NAALADL2: variants seen among roughly 807,000 people sequenced by gnomAD.
NAALADL2 encodes the protein N-acetylated alpha-linked acidic dipeptidase like 2.
Under a neutral mutation model 87.2 loss-of-function variants are expected in NAALADL2, and 76 were observed. The ratio of observed to expected loss-of-function variants is 0.87; its 90% CI spans 0.72 to 1.05. The LOEUF is 1.05. Ranked by LOEUF, NAALADL2 falls within the 50% of genes least tolerant of loss-of-function variation. The pLI is 0.00. For missense variants in NAALADL2, 1,089 were observed against 945.8 expected (o/e 1.15, Z -1.99); for synonymous variants, 354 against 331.0 (o/e 1.07, Z -0.75).
At chr3:175,458,298 A>G (rs1722619839) in intron 6 of NAALADL2, among the ~76,000 whole-genome samples, 1 of 151,788 alleles carries the variant, frequency 6.6e-6, no homozygotes, top group Non-Finnish European at 1.5e-5. Context: ...TTAATATTAC[A>G]TTTGTATGTA....
At chr3:175,730,453 C>A (rs1743585550) in intron 11 of NAALADL2, among the ~76,000 whole-genome samples, 1 of 131,504 alleles carries the variant, frequency 7.6e-6, no homozygotes, top group African/African-American at 2.7e-5. Flanking sequence ...TACACACATA[C>A]ACACGCACAC....
intron 2 of NAALADL2, among the ~76,000 whole-genome samples, chr3:174,719,310 A>G (rs1206807124): frequency 6.6e-6 from 1 of 152,216 alleles, no homozygotes; most frequent in East Asian, 1.9e-4. Context: ...ATGTGAAAAA[A>G]ATATAGAGGT....
At chr3:174,870,914 T>C (rs912290264) in intron 1 of NAALADL2, among the ~76,000 whole-genome samples, 1 of 152,162 alleles carries the variant, frequency 6.6e-6, no homozygotes, top group Non-Finnish European at 1.5e-5. Context: ...ATGTACAACA[T>C]AGTGCTTTCT....
chr3:174,773,335 A>G (rs150930358), intron 3 of NAALADL2, among the ~76,000 whole-genome samples: 242 of 152,316 alleles, frequency 1.6e-3, no homozygotes, highest in African/African-American at 5.6e-3. Flanking sequence ...ACCCAATTCA[A>G]CATCACAGTG....
chr3:174,635,249 G>A (rs905085556), intron 2 of NAALADL2, among the ~76,000 whole-genome samples: 2 of 152,106 alleles, frequency 1.3e-5, no homozygotes, highest in East Asian at 3.9e-4. Context: ...CTGACCATCT[G>A]TTATTAACCT....
intron 3 of NAALADL2, among the ~76,000 whole-genome samples, chr3:174,767,095 T>C (rs1406187297): frequency 6.6e-6 from 1 of 152,214 alleles, no homozygotes; most frequent in East Asian, 1.9e-4. Flanking sequence ...CAGTCTCATA[T>C]GGCCTCCTGA....
At chr3:175,156,318 A>C (rs1732309496) in intron 2 of NAALADL2, among the ~76,000 whole-genome samples, 1 of 65,486 alleles carries the variant, frequency 1.5e-5, no homozygotes, top group African/African-American at 3.4e-5. Flanking sequence ...ACAAATCTTT[A>C]GATAAATAGC....
At chr3:175,619,265 AAGGAGAAG>A (rs1560860831) in intron 10 of NAALADL2, among the ~76,000 whole-genome samples, 33 of 86,878 alleles carry the variant, frequency 3.8e-4, no homozygotes, top group South Asian at 1.3e-3. Context: ...GGAAGGAAGG[AAGGAGAAG>A]GAAAGAAAGA....
At position 175,434,446 on chromosome 3, in the gene NAALADL2, A is replaced by G. The variant is rs567050194; in HGVS notation, c.1091-12783A>G. Among the ~76,000 whole-genome samples, 5 of 152,102 alleles carry G rather than the reference A, an allele frequency of 3.3e-5. No individual in the cohort carries two copies. In the South Asian group the frequency reaches 1.0e-3, roughly 32 times the overall value. ...CAAAGATCTGAGAAGTACTTCATATATGCTAGCTCATTTATTCTAGCAACA... is the reference window on the plus strand; with the variant it reads ...CAAAGATCTGAGAAGTACTTCATATGTGCTAGCTCATTTATTCTAGCAACA... On this transcript the variant is annotated intron_variant, in intron 5 of 13. Transcript: ENST00000454872.
At chr3:174,494,653 T>C (rs1718406350) in intron 1 of NAALADL2, among the ~76,000 whole-genome samples, 1 of 151,698 alleles carries the variant, frequency 6.6e-6, no homozygotes, top group Admixed American at 6.6e-5. Context: ...AGTTTTTAGT[T>C]CAGGCAGAAG....
intron 13 of NAALADL2, among the ~76,000 whole-genome samples, chr3:175,782,415 G>A (rs1425578914): frequency 1.9e-4 from 14 of 74,770 alleles, no homozygotes; most frequent in East Asian, 8.3e-4. Context: ...GTGTGAGATG[G>A]TATCTCATTG....
At chr3:175,057,600 C>T (rs1290872066) in intron 1 of NAALADL2, among the ~76,000 whole-genome samples, 2 of 152,292 alleles carry the variant, frequency 1.3e-5, no homozygotes, top group East Asian at 1.9e-4. Context: ...TAACATTCCC[C>T]TCCAGGAACT....
intron 11 of NAALADL2, among the ~76,000 whole-genome samples, chr3:175,641,080 C>T (rs537669837): frequency 2.0e-5 from 3 of 152,214 alleles, no homozygotes; most frequent in Non-Finnish European, 4.4e-5. Flanking sequence ...CAAATATGAC[C>T]CTTTTCTGAC....
chr3:175,467,461 T>C (rs1479321731), intron 8 of NAALADL2, among the ~76,000 whole-genome samples: 1 of 152,114 alleles, frequency 6.6e-6, no homozygotes, highest in Non-Finnish European at 1.5e-5. Context: ...ATTGTATTTC[T>C]CCTTAGAAGA....
intron 1 of NAALADL2, among the ~76,000 whole-genome samples, chr3:174,994,879 C>G (rs1276570654): frequency 1.3e-5 from 2 of 152,118 alleles, no homozygotes; most frequent in Non-Finnish European, 2.9e-5. Context: ...TTAAGTTGGT[C>G]AACTGCTCTC....
At chr3:174,514,175 C>A (rs1428352379) in intron 1 of NAALADL2, among the ~76,000 whole-genome samples, 1 of 152,064 alleles carries the variant, frequency 6.6e-6, no homozygotes, top group Non-Finnish European at 1.5e-5. Context: ...ATGAATTTTC[C>A]ACCCAGTACC....
intron 1 of NAALADL2, among the ~76,000 whole-genome samples, chr3:175,066,252 A>G (rs1192569026): frequency 2.6e-5 from 4 of 152,156 alleles, no homozygotes; most frequent in African/African-American, 9.7e-5. Context: ...ACGTACTATG[A>G]GGACAGAAGT....
At chr3:174,556,221 G>A (rs9871610) in intron 2 of NAALADL2, among the ~76,000 whole-genome samples, 74,672 of 151,794 alleles carry the variant, frequency 0.49, 19,316 homozygotes, top group African/African-American at 0.66. Flanking sequence ...ATTCCCTGTC[G>A]TGGGCCATGA....
At chr3:175,508,557 T>C (rs969277492) in intron 9 of NAALADL2, among the ~76,000 whole-genome samples, 6 of 152,292 alleles carry the variant, frequency 3.9e-5, no homozygotes, top group African/African-American at 1.2e-4. Flanking sequence ...ATTTTTGACA[T>C]GCAAAAACAG....
Sources: gnomAD v4.1 joint callset for allele counts (sites outside exome capture counted in the v4.1 genomes callset) on GRCh38, gnomAD v4.1.1 for gene constraint, MANE v1.5 for transcripts, NCBI Gene and HGNC (gene_info 2026-07-23, HGNC 2026-07-21) for gene names.